BFAR: variants seen among roughly 807,000 people sequenced by gnomAD.
The protein encoded by BFAR is RING finger protein 47.
In BFAR, 52 loss-of-function variants were observed where a neutral mutation model predicts 54.4. The ratio of observed to expected loss-of-function variants is 0.96; its 90% CI spans 0.77 to 1.21. The LOEUF (loss-of-function observed/expected upper bound fraction) is 1.21, where lower values mean the gene tolerates loss of function less well. BFAR is among the 50% of genes most tolerant of loss of function. BFAR has a pLI of 0.00. For synonymous variants in BFAR, 215 were observed against 204.3 expected (o/e 1.05, Z -0.45); for missense variants, 571 against 534.0 (o/e 1.07, Z -0.68).
intron 2 of BFAR, among the ~76,000 whole-genome samples, chr16:14,647,071 C>A (rs541705794): frequency 3.9e-5 from 6 of 151,964 alleles, no homozygotes; most frequent in Admixed American, 2.6e-4. Context: ...GCCACTACAC[C>A]CAGCCTCAGA....
intron 2 of BFAR, among the ~76,000 whole-genome samples, chr16:14,646,585 G>A (rs1465799171): frequency 1.3e-5 from 2 of 150,046 alleles, no homozygotes; most frequent in African/African-American, 2.4e-5. Context: ...TGCAACCTCC[G>A]CCTCCCAGGT....
chr16:14,666,771 A>T (rs956589704), intron 7 of BFAR, among the ~76,000 whole-genome samples: 3 of 152,126 alleles, frequency 2.0e-5, no homozygotes, highest in Admixed American at 2.0e-4. Flanking sequence ...ATTTCTTTCC[A>T]TTTAGCAAAC....
At chr16:14,652,286 A>AT (rs746663457) in intron 4 of BFAR, among the ~76,000 whole-genome samples, 119 of 142,172 alleles carry the variant, frequency 8.4e-4, no homozygotes, top group Non-Finnish European at 9.9e-4. Flanking sequence ...ATATATTTTT[A>AT]TTTTTTTTTT....
chr16:14,635,508 T>C (rs1959404654), intron 1 of BFAR, among the ~76,000 whole-genome samples: 2 of 152,132 alleles, frequency 1.3e-5, no homozygotes, highest in South Asian at 4.1e-4. Context: ...GGTCCTTGCA[T>C]ATATGCCACG....
chr16:14,665,316 C>G, intron 7 of BFAR: 1 of 396,924 alleles, frequency 2.5e-6, no homozygotes, highest in Non-Finnish European at 4.5e-6. Context: ...AATAATATAC[C>G]ATTTAATTTC....
chr16:14,633,816 C>T (rs1443270417), intron 1 of BFAR, among the ~76,000 whole-genome samples: 2 of 152,226 alleles, frequency 1.3e-5, no homozygotes, highest in East Asian at 3.9e-4. Context: ...CCACGCCCGG[C>T]TGATTTTTGT....
At position 14,655,094 on chromosome 16, in the gene BFAR, T is replaced by C; in HGVS notation, c.667T>C (p.Phe223Leu). Residue 223 changes from phenylalanine to leucine, a missense_variant, in exon 5 of 8, where the codon TTT becomes CTT. Physicochemically the swap from Phe to Leu is conservative, Grantham distance 22. Coordinates refer to ENST00000261658, the MANE Select transcript of BFAR (RefSeq NM_016561.3). ...RLLLTLTEEE[F>L]SKTPYTIENS... ...GCTTTTAACTTTGACAGAGGAAGAA[T>C]TTTCCAAGACGCCCTATACCATAGA... 1.2e-6 allele frequency: 2 copies of C among 1,609,492 alleles called. No homozygotes were observed. The highest frequency in any genetic ancestry group is 2.2e-5 in the South Asian group (2 of 90,200).
At chr16:14,659,400 C>T (rs1960225904) in intron 5 of BFAR, among the ~76,000 whole-genome samples, 2 of 151,466 alleles carry the variant, frequency 1.3e-5, no homozygotes, top group South Asian at 4.2e-4. Context: ...CACCACCACA[C>T]CGGCTAATTT....
rs1959729483 is a variant in BFAR, at chr16:14,644,530, T to TG, written c.187dup (p.Ala63GlyfsTer30). ...CTGCCGTCACTGCCTTGCTTTATGG[T>TG]GGGCATCTTCAAAGAAAACAGAATG... On this transcript the variant is annotated frameshift_variant, in exon 2 of 8. Coordinates refer to ENST00000261658, the MANE Select transcript of BFAR (RefSeq NM_016561.3). LOFTEE classifies it high-confidence loss of function. The TG allele has an allele frequency of 1.2e-6, 2 of 1,614,112 alleles. No homozygotes were observed. Among genetic ancestry groups the TG allele is most frequent in the Non-Finnish European group, 1.7e-6 (2 of 1,179,998 alleles).
intron 5 of BFAR, among the ~76,000 whole-genome samples, chr16:14,659,234 G>GTT (rs1468503605): frequency 1.6e-4 from 23 of 142,866 alleles, no homozygotes; most frequent in African/African-American, 5.5e-4. Context: ...GGTTTTTTTT[G>GTT]TTTTTTTTTG....
intron 1 of BFAR, among the ~76,000 whole-genome samples, chr16:14,641,011 G>C (rs960309260): frequency 6.6e-6 from 1 of 152,198 alleles, no homozygotes. Context: ...GTCCTCTTCA[G>C]TTCTAAGGTG....
At chr16:14,652,320 C>G (rs1959994227) in intron 4 of BFAR, among the ~76,000 whole-genome samples, 1 of 151,410 alleles carries the variant, frequency 6.6e-6, no homozygotes, top group Non-Finnish European at 1.5e-5. Context: ...TACTCTGTCT[C>G]CCAGGCTGGA....
chr16:14,652,559 G>A (rs530106807), intron 4 of BFAR, among the ~76,000 whole-genome samples: 35 of 152,176 alleles, frequency 2.3e-4, no homozygotes, highest in South Asian at 1.9e-3. Context: ...AGGATTACAC[G>A]TGTGAGCCAC....
chr16:14,646,836 G>A (rs1183150526), intron 2 of BFAR, among the ~76,000 whole-genome samples: 1 of 152,080 alleles, frequency 6.6e-6, no homozygotes, highest in African/African-American at 2.4e-5. Context: ...TAAAACTAAA[G>A]ATCCTTTTGA....
At chr16:14,664,050 C>T (rs896625807) in intron 6 of BFAR, among the ~76,000 whole-genome samples, 4 of 152,034 alleles carry the variant, frequency 2.6e-5, no homozygotes, top group Admixed American at 2.0e-4. Context: ...CAAGACCAGC[C>T]TGGCCAACAT....
At position 14,665,653 on chromosome 16, in the gene BFAR, A is replaced by C. The variant is rs530406574; in HGVS notation, c.1160+582A>C. Among the ~76,000 whole-genome samples the C allele has an allele frequency of 1.1e-4, 16 of 152,308 alleles. No homozygotes were observed. The South Asian group carries it at 3.1e-3, about 30-fold the overall frequency. On this transcript the variant is annotated intron_variant, in intron 7 of 7. Coordinates refer to ENST00000261658, the MANE Select transcript of BFAR (RefSeq NM_016561.3). ...TTAGGGTCGGGATCTATGGTAAGTA[A>C]GAGAACATCAAGGCTGTTTCACCAA...
intron 6 of BFAR, among the ~76,000 whole-genome samples, chr16:14,664,618 G>T (rs137927274): frequency 6.6e-6 from 1 of 151,980 alleles, no homozygotes; most frequent in Non-Finnish European, 1.5e-5. Flanking sequence ...TCTTGCCTCA[G>T]CCTCTAGAGT....
intron 1 of BFAR, among the ~76,000 whole-genome samples, chr16:14,642,401 T>TG (rs1567485180): frequency 6.6e-6 from 1 of 152,108 alleles, no homozygotes; most frequent in African/African-American, 2.4e-5. Flanking sequence ...GCTAGTGACT[T>TG]GGGGGAGTTA....
chr16:14,648,363 A>C (rs374319220), intron 2 of BFAR, 25 bp from the exon 3 acceptor site: 1 of 1,571,578 alleles, frequency 6.4e-7, no homozygotes, highest in Non-Finnish European at 8.7e-7. Context: ...CAACTGTCTT[A>C]ATTTTTTTTT....
Sources: allele counts gnomAD v4.1 joint callset (sites outside exome capture counted in the v4.1 genomes callset), GRCh38; gene constraint gnomAD v4.1.1; transcripts MANE v1.5; gene names NCBI Gene and HGNC (gene_info 2026-07-23, HGNC 2026-07-21).